ZNF618: variants seen among roughly 807,000 people sequenced by gnomAD.
The protein encoded by ZNF618 is neural precursor cell expressed, developmentally down-regulated 10.
ZNF618 carries 34 observed loss-of-function variants against 103.0 expected under a neutral mutation model. That is an observed-to-expected ratio of 0.33 (90% CI 0.25 to 0.44). ZNF618 has a LOEUF of 0.44. ZNF618 is among the 20% of genes least tolerant of loss of function. The pLI, the probability that ZNF618 is intolerant of heterozygous loss-of-function variation, is 1.00. For missense variants in ZNF618, 1,059 were observed against 1,295.4 expected (o/e 0.82, Z 2.80); for synonymous variants, 551 against 542.2 (o/e 1.02, Z -0.23).
chr9:114,023,233 T>G (rs1843217727), intron 10 of ZNF618, among the ~76,000 whole-genome samples: 1 of 152,076 alleles, frequency 6.6e-6, no homozygotes, highest in South Asian at 2.1e-4. Context: ...TCTTTAGTAT[T>G]AATCAAGTAT....
intron 10 of ZNF618, among the ~76,000 whole-genome samples, chr9:114,019,858 G>T (rs1327208102): frequency 1.3e-5 from 2 of 152,112 alleles, no homozygotes; most frequent in African/African-American, 4.8e-5. Flanking sequence ...ATGAAGTCCA[G>T]TTTATCATTT....
intron 9 of ZNF618, among the ~76,000 whole-genome samples, chr9:114,014,556 G>C (rs1318262649): frequency 3.3e-5 from 5 of 152,216 alleles, no homozygotes; most frequent in Admixed American, 6.5e-5. Context: ...ACTTAGCACA[G>C]TACCTGTTTA....
intron 10 of ZNF618, among the ~76,000 whole-genome samples, chr9:114,027,059 A>T: frequency 6.6e-6 from 1 of 151,590 alleles, no homozygotes; most frequent in East Asian, 1.9e-4. Flanking sequence ...TTAGAAATGG[A>T]CTCTGGGTGC....
Position 114,050,446 on chromosome 9 carries a change from AC to A in ZNF618, c.*280del. On this transcript the variant is annotated 3_prime_UTR_variant, in exon 15 of 15. Transcript: ENST00000374126. ...CCAGAGAAACTTTGCACACACGCAC[AC>A]ACACACACACACACACACACACACA... 1 of 192,568 alleles carries A rather than the reference AC, an allele frequency of 5.2e-6. No homozygotes were observed. The highest frequency in any genetic ancestry group is 6.5e-5 in the Admixed American group (1 of 15,330). The allele number at this position is 192,568 out of a possible 1,614,324, so 11.9% of individuals were successfully genotyped here.
intron 1 of ZNF618, among the ~76,000 whole-genome samples, chr9:113,950,317 G>A (rs1008365322): frequency 6.6e-6 from 1 of 152,170 alleles, no homozygotes; most frequent in Non-Finnish European, 1.5e-5. Flanking sequence ...CTGGGTTCCT[G>A]GCTCTGCTGG....
At chr9:113,938,246 T>C (rs912097402) in intron 1 of ZNF618, among the ~76,000 whole-genome samples, 3 of 141,036 alleles carry the variant, frequency 2.1e-5, no homozygotes, top group Non-Finnish European at 3.0e-5. Flanking sequence ...CATAGCTCAC[T>C]GCAGCCTCAA....
intron 1 of ZNF618, among the ~76,000 whole-genome samples, chr9:113,953,510 T>G (rs926432508): frequency 6.6e-6 from 1 of 152,226 alleles, no homozygotes; most frequent in African/African-American, 2.4e-5. Flanking sequence ...GCATGTGGTA[T>G]TTGTTAGTGT....
intron 1 of ZNF618, among the ~76,000 whole-genome samples, chr9:113,926,107 T>C (rs74564585): frequency 0.05 from 7,588 of 151,884 alleles, 290 homozygotes; most frequent in African/African-American, 0.099. Flanking sequence ...TTCTCCTTCA[T>C]GTTGGTAGGA....
chr9:113,912,109 T>A lies in ZNF618; in HGVS notation c.33+35696T>A, dbSNP rs10982002. Among the ~76,000 whole-genome samples the A allele has an allele frequency of 0.019, 2,924 of 152,220 alleles. 146 individuals carry two copies. In the East Asian group the frequency reaches 0.2, roughly 10 times the overall value. ...GTGCTGATACTGCCACCGACCACAC[T>A]TTGTGTGGCAGGAGCCAGCCTCTGC... On this transcript the variant is annotated intron_variant, in intron 1 of 14. Transcript: ENST00000374126.
rs976232838 is a variant in ZNF618, at chr9:114,056,042, C to G, written c.*5875C>G. ...ATTAACAAAAGATGTTGTGTGCGGT[C>G]TCCTGTATCGGTGTGGATCCAACAG... On this transcript the variant is annotated 3_prime_UTR_variant, in exon 15 of 15. Transcript: ENST00000374126. The G allele has an allele frequency of 6.6e-6, 1 of 152,250 alleles. No homozygotes were observed. Among genetic ancestry groups the G allele is most frequent in the African/African-American group, 2.4e-5 (1 of 41,332 alleles). 9.4% of individuals were successfully genotyped at this position (152,250 alleles called of 1,614,324 possible). A position where few individuals can be genotyped will look rare whatever the true frequency, so the allele number is the denominator to read the frequency against.
chr9:113,973,762 G>A (rs1007276951), intron 2 of ZNF618, among the ~76,000 whole-genome samples: 1 of 152,182 alleles, frequency 6.6e-6, no homozygotes, highest in African/African-American at 2.4e-5. Flanking sequence ...ATAAATAATT[G>A]TATGTAAATA....
intron 1 of ZNF618, among the ~76,000 whole-genome samples, chr9:113,957,538 G>A (rs1028239193): frequency 2.6e-5 from 4 of 152,160 alleles, no homozygotes; most frequent in Non-Finnish European, 4.4e-5. Flanking sequence ...GCTAACAGGG[G>A]TCTCCTAGAG....
intron 1 of ZNF618, among the ~76,000 whole-genome samples, chr9:113,910,020 G>C (rs1831376553): frequency 6.6e-6 from 1 of 152,032 alleles, no homozygotes; most frequent in Admixed American, 6.5e-5. Context: ...CCTGACCTCA[G>C]GATCTGCCCG....
In ZNF618 at chr9:114,002,081, G is replaced by T; in HGVS notation, c.511+8G>T. ...ACGTGCGGGCGCACCGAGGTGAGAG[G>T]AGTGTCCCTGGGGCAGAGCCCAGGG... On this transcript the variant is annotated splice_region_variant and intron_variant, in intron 5 of 14. Coordinates refer to ENST00000374126, the MANE Select transcript of ZNF618 (RefSeq NM_001318042.2). 6.2e-7 allele frequency: 1 copy of T among 1,611,806 alleles called. No homozygotes were observed. The highest frequency in any genetic ancestry group is 2.2e-5 in the East Asian group (1 of 44,868).
intron 1 of ZNF618, among the ~76,000 whole-genome samples, chr9:113,876,744 T>A (rs1216265671): frequency 2.0e-5 from 3 of 151,886 alleles, no homozygotes; most frequent in Non-Finnish European, 2.9e-5. Context: ...TTTGCAAAAA[T>A]GCAACCCCTT....
intron 6 of ZNF618, among the ~76,000 whole-genome samples, chr9:114,005,376 C>G (rs11788633): frequency 0.31 from 47,541 of 152,102 alleles, 8,519 homozygotes; most frequent in East Asian, 0.61. Flanking sequence ...TCCTGACTGA[C>G]GAAGACCTGG....
intron 3 of ZNF618, among the ~76,000 whole-genome samples, chr9:113,994,096 G>A (rs758771418): frequency 2.9e-4 from 44 of 152,194 alleles, no homozygotes; most frequent in Non-Finnish European, 5.6e-4. Context: ...CAAGCTTTCA[G>A]GACCGAGGTA....
chr9:113,950,870 G>T (rs1231210645), intron 1 of ZNF618, among the ~76,000 whole-genome samples: 1 of 151,846 alleles, frequency 6.6e-6, no homozygotes, highest in African/African-American at 2.4e-5. Context: ...AGTTGGCCAG[G>T]CAGTGAGTGT....
intron 2 of ZNF618, among the ~76,000 whole-genome samples, chr9:113,983,936 T>C (rs200730990): frequency 2.0e-5 from 3 of 152,154 alleles, no homozygotes; most frequent in Non-Finnish European, 4.4e-5. Flanking sequence ...GAGGCATATG[T>C]CCCAGTGCCT....
Sources: allele counts gnomAD v4.1 joint callset (sites outside exome capture counted in the v4.1 genomes callset), GRCh38; gene constraint gnomAD v4.1.1; transcripts MANE v1.5; gene names NCBI Gene and HGNC (gene_info 2026-07-23, HGNC 2026-07-21).